PVT1: variants seen among roughly 807,000 people sequenced by gnomAD.
The protein encoded by PVT1 is CXCR4/PVT1 fusion.
At chr8:127,816,919 T>C (rs985705516) in intron 2 of PVT1, among the ~76,000 whole-genome samples, 1 of 152,232 alleles carries the variant, frequency 6.6e-6, no homozygotes, top group Admixed American at 6.5e-5. Flanking sequence ...CTGTAGCTTA[T>C]TTTTCACTGT....
chr8:127,893,065 T>C (rs1022724054), intron 3 of PVT1, among the ~76,000 whole-genome samples: 2 of 152,156 alleles, frequency 1.3e-5, no homozygotes, highest in African/African-American at 4.8e-5. Flanking sequence ...CAGAGTGGGC[T>C]CAGACACCAA....
At chr8:127,919,139 C>T (rs1240972085) in intron 3 of PVT1, among the ~76,000 whole-genome samples, 1 of 152,192 alleles carries the variant, frequency 6.6e-6, no homozygotes. Flanking sequence ...CTTCTGCTAA[C>T]CAGGGAGCAG....
At chr8:127,932,378 T>C in intron 3 of PVT1, 1 of 398,578 alleles carries the variant, frequency 2.5e-6, no homozygotes, top group Non-Finnish European at 4.4e-6. Context: ...TTGGGAAGTC[T>C]GAGATGGATT....
intron 4 of PVT1, among the ~76,000 whole-genome samples, chr8:127,994,971 G>A (rs1335640504): frequency 6.6e-6 from 1 of 152,182 alleles, no homozygotes; most frequent in South Asian, 2.1e-4. Flanking sequence ...AATCTCATCT[G>A]GACATACTCA....
At chr8:127,818,323 G>A (rs1814690211) in intron 2 of PVT1, among the ~76,000 whole-genome samples, 1 of 152,120 alleles carries the variant, frequency 6.6e-6, no homozygotes, top group Admixed American at 6.6e-5. Flanking sequence ...GCTCCCAAGG[G>A]GTCCCACCCT....
At chr8:128,028,461 A>T (rs1242919738) in intron 4 of PVT1, among the ~76,000 whole-genome samples, 3 of 152,344 alleles carry the variant, frequency 2.0e-5, no homozygotes, top group South Asian at 2.1e-4. Context: ...GTCTCCACAA[A>T]GGAGAACTGG....
chr8:127,899,478 C>T (rs1815732096), intron 3 of PVT1, among the ~76,000 whole-genome samples: 1 of 152,180 alleles, frequency 6.6e-6, no homozygotes, highest in Non-Finnish European at 1.5e-5. Flanking sequence ...CTCTGGCTCC[C>T]CGTCTCTCAA....
intron 4 of PVT1, among the ~76,000 whole-genome samples, chr8:128,022,110 G>GT (rs769761138): frequency 5.9e-5 from 9 of 152,162 alleles, no homozygotes; most frequent in Non-Finnish European, 1.3e-4. Context: ...TCAGATGCTG[G>GT]GTGTCAGCTC....
In PVT1 at chr8:127,981,086, G is replaced by A. The variant is rs139121392; in HGVS notation, n.783-8076G>A. On this transcript the variant is annotated intron_variant and non_coding_transcript_variant, in intron 3 of 10. Coordinates refer to ENST00000651587, the Ensembl canonical transcript of PVT1. ...GCTGGGATTATAGACGTGAGCTACC[G>A]CGCCCAGGCTTAGAGCCCAGCTTAT... is the stretch of plus-strand genomic sequence containing the variant. Among the ~76,000 whole-genome samples, 893 of 152,236 alleles carry A rather than the reference G, an allele frequency of 5.9e-3. 8 individuals are homozygous for A. The highest frequency in any genetic ancestry group is 0.02 in the African/African-American group (836 of 41,528).
chr8:127,824,876 T>C (rs1270359003), intron 2 of PVT1, among the ~76,000 whole-genome samples: 2 of 152,106 alleles, frequency 1.3e-5, no homozygotes, highest in African/African-American at 2.4e-5. Context: ...TCCCAGCACT[T>C]TGGGAGGCCG....
intron 3 of PVT1, among the ~76,000 whole-genome samples, chr8:127,935,921 TG>T (rs961339059): frequency 6.6e-6 from 1 of 151,462 alleles, no homozygotes; most frequent in African/African-American, 2.4e-5. Flanking sequence ...GTGGGTGGTG[TG>T]GCCCAAAGAT....
At chr8:127,894,158 G>C (rs1815645003) in intron 3 of PVT1, among the ~76,000 whole-genome samples, 1 of 152,132 alleles carries the variant, frequency 6.6e-6, no homozygotes, top group South Asian at 2.1e-4. Context: ...CGTACGGGCT[G>C]CCCTGCCACC....
At chr8:127,924,898 TC>T (rs1816110766) in intron 3 of PVT1, among the ~76,000 whole-genome samples, 1 of 152,106 alleles carries the variant, frequency 6.6e-6, no homozygotes, top group African/African-American at 2.4e-5. Flanking sequence ...TCCACCCACC[TC>T]GGCCTCCCTT....
intron 2 of PVT1, among the ~76,000 whole-genome samples, chr8:127,819,889 CTCTT>C (rs1462365873): frequency 6.6e-6 from 1 of 152,216 alleles, no homozygotes; most frequent in Non-Finnish European, 1.5e-5. Flanking sequence ...AGGTGCGTGT[CTCTT>C]TCTTTTGCAC....
intron 2 of PVT1, among the ~76,000 whole-genome samples, chr8:127,827,184 G>T (rs948015376): frequency 6.6e-6 from 1 of 151,850 alleles, no homozygotes; most frequent in Non-Finnish European, 1.5e-5. Context: ...TAGTAGGGAC[G>T]GGGTTTCTCC....
At position 127,921,854 on chromosome 8, in the gene PVT1, G is replaced by GTTTTTTTTTTT. The variant is rs71300279; in HGVS notation, n.782+30870_782+30880dup. Among the ~76,000 whole-genome samples, 50 of 71,926 alleles carry GTTTTTTTTTTT rather than the reference G, an allele frequency of 7.0e-4. 5 individuals carry two copies. The highest frequency in any genetic ancestry group is 0.024 in the Middle Eastern group (1 of 42). 47.2% of individuals were successfully genotyped at this position (71,926 alleles called of 152,430 possible). ...AAAAAAATTATAATTTTTGGTTCAT[G>GTTTTTTTTTTT]TTTTTTTTTTTTTTTTTTTTTTTTG... On this transcript the variant is annotated intron_variant and non_coding_transcript_variant, in intron 3 of 10. Transcript: ENST00000651587.
intron 2 of PVT1, among the ~76,000 whole-genome samples, chr8:127,867,036 C>T (rs982672143): frequency 1.3e-5 from 2 of 152,234 alleles, no homozygotes; most frequent in African/African-American, 2.4e-5. Context: ...ATGGGCTGCT[C>T]GCCTGAATGG....
At chr8:127,848,671 G>A (rs1815066383) in intron 2 of PVT1, among the ~76,000 whole-genome samples, 1 of 152,102 alleles carries the variant, frequency 6.6e-6, no homozygotes, top group Admixed American at 6.6e-5. Flanking sequence ...CAACAAGACC[G>A]AAACTCCGTC....
intron 3 of PVT1, chr8:127,939,542 C>T (rs76331627): frequency 0.015 from 2,284 of 152,394 alleles, 27 homozygotes; most frequent in Non-Finnish European, 0.024. Context: ...TCCCGAGGTG[C>T]GCGGGTGACC....
Sources: gnomAD v4.1 joint callset for allele counts (sites outside exome capture counted in the v4.1 genomes callset) on GRCh38, gnomAD v4.1.1 for gene constraint, MANE v1.5 for transcripts, NCBI Gene and HGNC (gene_info 2026-07-23, HGNC 2026-07-21) for gene names.